Variants in CREB3L2 observed in about 807,000 individuals in gnomAD.
The protein encoded by CREB3L2 is cAMP responsive element binding protein 3 like 2.
Under a neutral mutation model 57.2 loss-of-function variants are expected in CREB3L2, and 23 were observed. That is an observed-to-expected ratio of 0.40 (90% CI 0.29 to 0.57). The LOEUF is 0.57. Ranked by LOEUF, CREB3L2 falls within the 20% of genes least tolerant of loss-of-function variation. CREB3L2 has a pLI of 0.42. For synonymous variants in CREB3L2, 268 were observed against 265.1 expected, an observed-to-expected ratio of 1.01 and a Z score of -0.11; for missense variants, 628 against 634.7, an observed-to-expected ratio of 0.99 and a Z score of 0.11.
In CREB3L2 at chr7:138,001,618, G is replaced by A. The variant is rs1802078328; in HGVS notation, c.88C>T (p.Leu30Phe). Residue 30 changes from leucine to phenylalanine, a missense_variant, in exon 1 of 12, where the codon CTC becomes TTC. Transcript: ENST00000330387. This position sits in a 1 kb window ranked among gnomAD's most constrained non-coding sequence, Gnocchi z 4.2. ...ELSEPGDGEA[L>F]MYHTHFSELL... Reference sequence around the variant, plus strand: ...CGGGTCCTCACCGTGTGGTACATGAGGGCCTCGCCGTCCCCGGGCTCTGAC... The same window carrying A: ...CGGGTCCTCACCGTGTGGTACATGAAGGCCTCGCCGTCCCCGGGCTCTGAC... 4 of 1,612,996 alleles carry A rather than the reference G, an allele frequency of 2.5e-6. No homozygotes were observed. Among genetic ancestry groups the A allele is most frequent in the Non-Finnish European group, 3.4e-6 (4 of 1,179,504 alleles).
chr7:137,985,116 AC>A (rs1385484673), intron 1 of CREB3L2, among the ~76,000 whole-genome samples: 1 of 152,200 alleles, frequency 6.6e-6, no homozygotes, highest in African/African-American at 2.4e-5. Context: ...CTCTTCAAAG[AC>A]CTACTGCAAT....
chr7:137,936,380 C>G (rs1222582716), intron 1 of CREB3L2, among the ~76,000 whole-genome samples: 2 of 152,180 alleles, frequency 1.3e-5, no homozygotes, highest in Non-Finnish European at 2.9e-5. Context: ...TAGTCCCAGC[C>G]TTGCACTTCA....
intron 1 of CREB3L2, among the ~76,000 whole-genome samples, chr7:137,948,168 C>T (rs1057273242): frequency 2.0e-5 from 3 of 152,208 alleles, no homozygotes; most frequent in African/African-American, 7.2e-5. Flanking sequence ...ACCTTGGCTT[C>T]AATTCAGCTA....
At chr7:137,912,839 A>C in intron 4 of CREB3L2, 152 bp downstream of exon 4, 4 of 1,527,496 alleles carry the variant, frequency 2.6e-6, no homozygotes, top group Non-Finnish European at 3.5e-6. Flanking sequence ...ATTTGGAAGC[A>C]AAATTTTTAT....
At chr7:137,923,848 G>A (rs979843936) in intron 2 of CREB3L2, among the ~76,000 whole-genome samples, 2 of 151,890 alleles carry the variant, frequency 1.3e-5, no homozygotes, top group Admixed American at 6.6e-5. Flanking sequence ...CCCTGTTCTC[G>A]CATGGCAGCC....
At position 137,980,771 on chromosome 7, in the gene CREB3L2, C is replaced by T. The variant is rs1160124584; in HGVS notation, c.102+20833G>A. Among the ~76,000 whole-genome samples the T allele has an allele frequency of 6.6e-6, 1 of 152,192 alleles. No individual in the cohort carries two copies. The highest frequency in any genetic ancestry group is 1.5e-5 in the Non-Finnish European group (1 of 68,032). On this transcript the variant is annotated intron_variant, in intron 1 of 11. Coordinates refer to ENST00000330387, the MANE Select transcript of CREB3L2 (RefSeq NM_194071.4). The surrounding 1 kb of genome is among the most constrained non-coding windows in gnomAD (Gnocchi z 4.3). ...GAAAGGCAAACTAGGAAACAATTTTCCACTGGCCATCAATAAAATTCCTCA... is the reference window on the plus strand; with the variant it reads ...GAAAGGCAAACTAGGAAACAATTTTTCACTGGCCATCAATAAAATTCCTCA...
intron 1 of CREB3L2, among the ~76,000 whole-genome samples, chr7:137,948,399 T>C (rs1281161806): frequency 6.6e-6 from 1 of 152,240 alleles, no homozygotes; most frequent in African/African-American, 2.4e-5. Flanking sequence ...GGGGACATTA[T>C]GGTAGGAACC....
chr7:137,945,095 A>G (rs1281668752), intron 1 of CREB3L2, among the ~76,000 whole-genome samples: 2 of 151,680 alleles, frequency 1.3e-5, no homozygotes, highest in African/African-American at 4.8e-5. Flanking sequence ...GGGTTTCACC[A>G]TGTTGGCCAG....
At chr7:137,892,442 G>A (rs1799545494) in intron 8 of CREB3L2, among the ~76,000 whole-genome samples, 1 of 151,960 alleles carries the variant, frequency 6.6e-6, no homozygotes, top group Admixed American at 6.6e-5. Flanking sequence ...CTTGAGGTCA[G>A]GAGTTCGAGA....
At chr7:137,903,187 G>A (rs987286969) in intron 7 of CREB3L2, among the ~76,000 whole-genome samples, 1 of 152,140 alleles carries the variant, frequency 6.6e-6, no homozygotes, top group Non-Finnish European at 1.5e-5. Flanking sequence ...CAGATATGGA[G>A]AGCCAACTAT....
intron 8 of CREB3L2, among the ~76,000 whole-genome samples, chr7:137,891,239 A>G (rs1021596354): frequency 6.6e-6 from 1 of 152,178 alleles, no homozygotes; most frequent in African/African-American, 2.4e-5. Context: ...CCCAAAATAA[A>G]CCATCACCCT....
chr7:137,919,254 C>T (rs1323692262), intron 2 of CREB3L2, among the ~76,000 whole-genome samples: 1 of 151,576 alleles, frequency 6.6e-6, no homozygotes, highest in Non-Finnish European at 1.5e-5. Flanking sequence ...TCACTGCAAC[C>T]TCCACCTCCT....
chr7:137,958,352 T>C (rs932681293), intron 1 of CREB3L2, among the ~76,000 whole-genome samples: 1 of 152,142 alleles, frequency 6.6e-6, no homozygotes, highest in Non-Finnish European at 1.5e-5. Context: ...GGAATTTATT[T>C]TCCCTCAAAA....
In CREB3L2 at chr7:137,889,586, A is replaced by G. The variant is rs117680721; in HGVS notation, c.1044-4084T>C. Among the ~76,000 whole-genome samples the G allele has an allele frequency of 5.4e-3, 821 of 152,372 alleles. 5 individuals carry two copies. The highest frequency in any genetic ancestry group is 9.0e-3 in the Non-Finnish European group (614 of 68,042). On this transcript the variant is annotated intron_variant, in intron 8 of 11. Transcript: ENST00000330387. Reference sequence around the variant, plus strand: ...TTGGTGGAAAGCGCAACAGTGACTAATAATATGCTGTTTGCCATTGCTTCT... The same window carrying G: ...TTGGTGGAAAGCGCAACAGTGACTAGTAATATGCTGTTTGCCATTGCTTCT...
At chr7:137,952,482 G>A (rs573111895) in intron 1 of CREB3L2, among the ~76,000 whole-genome samples, 1 of 152,272 alleles carries the variant, frequency 6.6e-6, no homozygotes, top group South Asian at 2.1e-4. Flanking sequence ...GGTAGCCACA[G>A]GTCCCATTTT....
At chr7:137,945,331 T>C (rs1436014317) in intron 1 of CREB3L2, among the ~76,000 whole-genome samples, 5 of 152,252 alleles carry the variant, frequency 3.3e-5, no homozygotes. Context: ...CTTATCTATA[T>C]TTCTAACAAT....
chr7:137,957,954 T>G (rs1220325273), intron 1 of CREB3L2: 1 of 376,882 alleles, frequency 2.7e-6, no homozygotes, highest in Non-Finnish European at 5.1e-6. Flanking sequence ...GGCAGGAACA[T>G]TGTGTCTGGC....
At chr7:137,931,224 C>A (rs914942893) in intron 1 of CREB3L2, among the ~76,000 whole-genome samples, 1 of 150,826 alleles carries the variant, frequency 6.6e-6, no homozygotes, top group Non-Finnish European at 1.5e-5. Flanking sequence ...GGAGTGAGAA[C>A]CTGTCTTTAA....
intron 8 of CREB3L2, among the ~76,000 whole-genome samples, chr7:137,888,326 TTACTC>T (rs2117181022): frequency 6.7e-6 from 1 of 149,732 alleles, no homozygotes; most frequent in African/African-American, 2.4e-5. Flanking sequence ...AACAGCATAA[TTACTC>T]TAAATTCTAC....
Sources: allele counts gnomAD v4.1 joint callset (sites outside exome capture counted in the v4.1 genomes callset), GRCh38; gene constraint gnomAD v4.1.1; non-coding constraint Gnocchi (gnomAD v3.1); transcripts MANE v1.5; gene names NCBI Gene and HGNC (gene_info 2026-07-23, HGNC 2026-07-21).